The following DNAH5 variants were observed in gnomAD, a reference collection of about 807,000 sequenced individuals.
The protein encoded by DNAH5 is axonemal beta dynein heavy chain 5.
Under a neutral mutation model 518.2 loss-of-function variants are expected in DNAH5, and 372 were observed. That is an observed-to-expected ratio of 0.72 (90% CI 0.66 to 0.78). The LOEUF is 0.78. DNAH5 is among the 30% of genes least tolerant of loss of function. The pLI, the probability that DNAH5 is intolerant of heterozygous loss-of-function variation, is 0.00. For missense variants in DNAH5, 5,523 were observed against 5,687.0 expected (o/e 0.97, Z 0.93); for synonymous variants, 2,039 against 2,025.9 (o/e 1.01, Z -0.17).
intron 31 of DNAH5, among the ~76,000 whole-genome samples, chr5:13,845,894 G>A (rs1193229044): frequency 7.1e-6 from 1 of 140,964 alleles, no homozygotes; most frequent in African/African-American, 2.7e-5. Flanking sequence ...GCAGTGGCAT[G>A]ACCTTGGCTC....
At chr5:13,896,452 T>C (rs1011648943) in intron 15 of DNAH5, 1 of 152,186 alleles carries the variant, frequency 6.6e-6, no homozygotes, top group Non-Finnish European at 1.5e-5. Flanking sequence ...TGACTACCTG[T>C]TTAAGATTAT....
At chr5:13,960,320 G>T (rs1341101980) in intron 1 of DNAH5, among the ~76,000 whole-genome samples, 1 of 152,120 alleles carries the variant, frequency 6.6e-6, no homozygotes, top group African/African-American at 2.4e-5. Context: ...ACACTGGAGG[G>T]GTGAACACTA....
chr5:13,807,356 T>G (rs747936394), intron 47 of DNAH5, among the ~76,000 whole-genome samples: 1 of 152,222 alleles, frequency 6.6e-6, no homozygotes, highest in South Asian at 2.1e-4. Flanking sequence ...TTAAACCGCA[T>G]TGAGGCCTAT....
chr5:13,729,533 C>T lies in DNAH5; in HGVS notation c.11789G>A (p.Cys3930Tyr), dbSNP rs1746211159. The change falls in exon 69 of 79, where the codon TGT becomes TAT. Residue 3930 changes from cysteine to tyrosine, a missense_variant. Physicochemically the swap from Cys to Tyr is radical, Grantham distance 194. Coordinates refer to ENST00000265104, the MANE Select transcript of DNAH5 (RefSeq NM_001369.3). Reference protein sequence around the residue: ...KGGASLDLKACPPKPSKWILD... With the variant: ...KGGASLDLKAYPPKPSKWILD... ...GATCCATTTTGATGGTTTTGGAGGA[C>T]AAGCTTTAAGGTCTAATGAGGCACC... 2 of 1,613,610 alleles carry T rather than the reference C, an allele frequency of 1.2e-6. No homozygotes were observed. Among genetic ancestry groups the T allele is most frequent in the Admixed American group, 1.7e-5 (1 of 59,998 alleles).
chr5:13,829,821 T>C, intron 37 of DNAH5, 117 bp from the exon 38 acceptor site: 1 of 1,188,988 alleles, frequency 8.4e-7, no homozygotes, highest in Non-Finnish European at 1.2e-6. Flanking sequence ...GGAACTCATT[T>C]ACGTATCTCA....
chr5:13,815,002 C>T lies in DNAH5; in HGVS notation c.6989-156G>A, dbSNP rs116721969. 1.1e-3 allele frequency among the ~76,000 whole-genome samples: 172 copies of T among 152,220 alleles called. 1 individual carries two copies. The highest frequency in any genetic ancestry group is 4.0e-3 in the African/African-American group (167 of 41,548). On this transcript the variant is annotated intron_variant, in intron 42 of 78. Coordinates refer to ENST00000265104, the MANE Select transcript of DNAH5 (RefSeq NM_001369.3). ...TCCAAATGATTACCTTGTTTTATTA[C>T]AAAGGATCTTCAAAGATCTTTATAT...
chr5:13,887,890 T>G (rs956384770), intron 17 of DNAH5, among the ~76,000 whole-genome samples: 3 of 151,974 alleles, frequency 2.0e-5, no homozygotes, highest in African/African-American at 4.8e-5. Context: ...GTCCCCAAAC[T>G]CAAACTGGCC....
intron 1 of DNAH5, among the ~76,000 whole-genome samples, chr5:13,979,430 T>C (rs1782511210): frequency 6.8e-6 from 1 of 147,570 alleles, no homozygotes; most frequent in South Asian, 2.1e-4. Context: ...AGCACATGGA[T>C]TTTTTAGTTC....
chr5:13,988,453 G>A (rs1410841674), intron 1 of DNAH5, among the ~76,000 whole-genome samples: 3 of 151,434 alleles, frequency 2.0e-5, no homozygotes, highest in South Asian at 2.1e-4. Context: ...AGTCTGGCTC[G>A]GGTACCCAGG....
intron 40 of DNAH5, among the ~76,000 whole-genome samples, chr5:13,822,057 T>C (rs777818485): frequency 1.3e-5 from 2 of 152,142 alleles, no homozygotes; most frequent in African/African-American, 2.4e-5. Flanking sequence ...ACTGGGACTA[T>C]TGGCATGAGT....
chr5:13,764,918 C>T (rs1421211319), intron 59 of DNAH5, among the ~76,000 whole-genome samples: 2 of 152,150 alleles, frequency 1.3e-5, no homozygotes, highest in Admixed American at 1.3e-4. Flanking sequence ...TGTTAGACTC[C>T]GCCATTATTA....
At chr5:13,805,831 A>G (rs144827806) in intron 47 of DNAH5, among the ~76,000 whole-genome samples, 120 of 152,248 alleles carry the variant, frequency 7.9e-4, no homozygotes, top group African/African-American at 2.7e-3. Context: ...GGAATGGCCT[A>G]ATTTGTAGCC....
intron 21 of DNAH5, among the ~76,000 whole-genome samples, chr5:13,877,522 G>A (rs780220517): frequency 8.5e-5 from 13 of 152,206 alleles, no homozygotes; most frequent in Non-Finnish European, 1.6e-4. Context: ...TCCACCCATG[G>A]ACACACCCAA....
intron 61 of DNAH5, among the ~76,000 whole-genome samples, chr5:13,755,568 T>C (rs1437382825): frequency 2.0e-5 from 3 of 152,228 alleles, no homozygotes; most frequent in Non-Finnish European, 4.4e-5. Context: ...GCTTTTGTAA[T>C]AATAACACAT....
rs751428054 is a variant in DNAH5 at position 13,751,281 on chromosome 5, T to C, written c.11029-21A>G. 90 of 1,572,812 alleles carry C rather than the reference T, an allele frequency of 5.7e-5. 2 individuals are homozygous for C. The South Asian group carries it at 6.6e-4, about 12-fold the overall frequency. On this transcript the variant is annotated intron_variant, in intron 64 of 78. Transcript: ENST00000265104. Reference sequence around the variant, plus strand: ...TTCACCTTTTTTATAAAAAGAAATTTAAAAGTAATAAAATAGAGATATACC... The same window carrying C: ...TTCACCTTTTTTATAAAAAGAAATTCAAAAGTAATAAAATAGAGATATACC...
intron 31 of DNAH5, among the ~76,000 whole-genome samples, chr5:13,846,449 C>T (rs1766017207): frequency 6.6e-6 from 1 of 152,106 alleles, no homozygotes; most frequent in Non-Finnish European, 1.5e-5. Context: ...GGATCAGAAA[C>T]CGGAGCCTGA....
intron 12 of DNAH5, among the ~76,000 whole-genome samples, chr5:13,903,178 G>C (rs111254086): frequency 6.6e-6 from 1 of 151,952 alleles, no homozygotes; most frequent in Non-Finnish European, 1.5e-5. Context: ...AAATTTAGAC[G>C]TATAAAGGGG....
intron 38 of DNAH5, among the ~76,000 whole-genome samples, chr5:13,825,437 T>C (rs1218362535): frequency 2.0e-5 from 3 of 152,178 alleles, no homozygotes; most frequent in African/African-American, 7.2e-5. Context: ...CCATTCATGA[T>C]AGCCAAGAGG....
intron 55 of DNAH5, among the ~76,000 whole-genome samples, chr5:13,775,997 G>A (rs1580174061): frequency 6.8e-6 from 1 of 146,098 alleles, no homozygotes; most frequent in East Asian, 2.0e-4. Flanking sequence ...AAAGCTAAAT[G>A]TACGCTCTCT....
Sources: allele counts gnomAD v4.1 joint callset (sites outside exome capture counted in the v4.1 genomes callset), GRCh38; gene constraint gnomAD v4.1.1; transcripts MANE v1.5; gene names NCBI Gene and HGNC (gene_info 2026-07-23, HGNC 2026-07-21).